The following WSCD1 variants were observed in gnomAD, a reference collection of about 807,000 sequenced individuals.
WSCD1 encodes WSC domain sialate O sulfotransferase 1, also known as sialate:O-sulfotransferase 1.
A neutral mutation model predicts 60.4 loss-of-function variants in WSCD1; 41 were observed. The observed-to-expected ratio is 0.68, with a 90% CI of 0.53 to 0.88. The LOEUF (loss-of-function observed/expected upper bound fraction) is 0.88, where lower values mean the gene tolerates loss of function less well. Ranked by LOEUF, WSCD1 falls within the 40% of genes least tolerant of loss-of-function variation. The pLI is 0.00. For missense variants in WSCD1, 784 were observed against 796.2 expected (o/e 0.98, Z 0.18); for synonymous variants, 361 against 332.5 (o/e 1.09, Z -0.93).
At chr17:6,093,426 C>T (rs999713775) in intron 4 of WSCD1, among the ~76,000 whole-genome samples, 2 of 152,192 alleles carry the variant, frequency 1.3e-5, no homozygotes, top group Non-Finnish European at 2.9e-5. Context: ...TTCTGGAGGC[C>T]TCATGGCCCC....
At chr17:6,116,762 C>T (rs941224570) in intron 7 of WSCD1, among the ~76,000 whole-genome samples, 3 of 152,228 alleles carry the variant, frequency 2.0e-5, no homozygotes, top group African/African-American at 2.4e-5. Flanking sequence ...GGCATCAAAG[C>T]GTCCCTCAGT....
rs745867123 is a variant in WSCD1, at chr17:6,095,121, C to T, written c.747C>T (p.Arg249=). 1.7e-5 allele frequency: 27 copies of T among 1,612,744 alleles called. No homozygotes were observed. Among genetic ancestry groups the T allele is most frequent in the African/African-American group, 1.2e-4 (9 of 74,904 alleles). ...GSRKRRTATY[R]GCFRLPENIT... is the part of the protein sequence containing the mutation. ...CCCCAGGGCGGACCGCCACCTACCGCGGATGCTTCCGACTGCCAGAGAACA... is the reference window on the plus strand; with the variant it reads ...CCCCAGGGCGGACCGCCACCTACCGTGGATGCTTCCGACTGCCAGAGAACA... The change falls in exon 5 of 9, where the codon CGC becomes CGT. Residue 249 remains arginine, a synonymous_variant. Transcript: ENST00000317744.
upstream of WSCD1, chr17:6,069,420 TGTGTGTGTGAGA>T (rs1270767308): frequency 8.6e-5 from 28 of 324,544 alleles, no homozygotes; most frequent in African/African-American, 4.6e-4. Flanking sequence ...TGTGTGTGTG[TGTGTGTGTGAGA>T]GAGAGAGAGA....
chr17:6,111,700 CAAA>C (rs111930086), intron 7 of WSCD1, among the ~76,000 whole-genome samples: 47 of 41,250 alleles, frequency 1.1e-3, no homozygotes, highest in Non-Finnish European at 8.6e-4. Flanking sequence ...CACTCCGTCT[CAAA>C]AAAAAAAAAA....
chr17:6,099,428 T>C (rs12450087), intron 5 of WSCD1, among the ~76,000 whole-genome samples: 60,770 of 151,272 alleles, frequency 0.4, 13,972 homozygotes, highest in East Asian at 0.64. Context: ...GGGAGGAGAA[T>C]CGCTTGAACC....
At chr17:6,084,355 T>C (rs917595127) in intron 2 of WSCD1, among the ~76,000 whole-genome samples, 23 of 152,234 alleles carry the variant, frequency 1.5e-4, no homozygotes, top group Non-Finnish European at 4.4e-5. Context: ...TGTGGGCCCC[T>C]TCCTGTCGTG....
At chr17:6,106,142 C>T (rs1911074660) in intron 5 of WSCD1, among the ~76,000 whole-genome samples, 1 of 152,204 alleles carries the variant, frequency 6.6e-6, no homozygotes, top group Non-Finnish European at 1.5e-5. Context: ...AAAAACACAA[C>T]AACCCTGCTT....
chr17:6,106,727 C>G (rs754213576), intron 5 of WSCD1, among the ~76,000 whole-genome samples: 1 of 152,036 alleles, frequency 6.6e-6, no homozygotes, highest in Non-Finnish European at 1.5e-5. Context: ...AACTGTAAAG[C>G]ATGGTGAGGG....
At chr17:6,070,153 G>GGTGTGTGTGTGT (rs375644165), upstream of WSCD1, among the ~76,000 whole-genome samples, 1 of 142,234 alleles carries the variant, frequency 7.0e-6, no homozygotes, top group African/African-American at 2.6e-5. Flanking sequence ...CTGGGTGACT[G>GGTGTGTGTGTGT]GTGTGTGTGT....
chr17:6,120,531 G>GGCGCTCCCA lies in WSCD1; in HGVS notation c.1599_1607dup (p.Ser535_His536insGlnArgSer). 6.2e-7 allele frequency: 1 copy of GGCGCTCCCA among 1,613,728 alleles called. No homozygotes were observed. Among genetic ancestry groups the GGCGCTCCCA allele is most frequent in the Non-Finnish European group, 8.5e-7 (1 of 1,179,994 alleles). On this transcript the variant is annotated inframe_insertion, in exon 9 of 9. Transcript: ENST00000317744. ...GAGGGCAGCTTCCGGCGGCGCGGCC[G>GGCGCTCCCA]GCGCTCCCACGACCCTGAGCCCTTC...
rs928301614 is a variant in WSCD1 at position 6,123,469 on chromosome 17, A to G, written c.*2808A>G. The G allele has an allele frequency of 6.6e-6, 1 of 152,230 alleles. No individual in the cohort carries two copies. 9.4% of individuals were successfully genotyped at this position (152,230 alleles called of 1,614,324 possible). On this transcript the variant is annotated 3_prime_UTR_variant, in exon 9 of 9. Transcript: ENST00000317744. The stretch of plus-strand genomic sequence containing the variant: ...TGCTTAATTATGTGAACATCTTATA[A>G]TGAAGTCTCTTGCAGCTAAAATTAG...
intron 7 of WSCD1, among the ~76,000 whole-genome samples, chr17:6,111,700 C>CAAAA (rs111930086): frequency 7.3e-5 from 3 of 41,258 alleles, no homozygotes; most frequent in East Asian, 7.3e-4. Flanking sequence ...CACTCCGTCT[C>CAAAA]AAAAAAAAAA....
At chr17:6,090,636 G>A in intron 4 of WSCD1, 131 bp downstream of exon 4, 1 of 1,272,978 alleles carries the variant, frequency 7.9e-7, no homozygotes, top group Non-Finnish European at 1.1e-6. Context: ...CTTCCCTATT[G>A]CCATCACTGG....
At position 6,088,072 on chromosome 17, in the gene WSCD1, T is replaced by C; in HGVS notation, c.510T>C (p.Thr170=). 6.2e-7 allele frequency: 1 copy of C among 1,614,168 alleles called. No homozygotes were observed. The highest frequency in any genetic ancestry group is 8.5e-7 in the Non-Finnish European group (1 of 1,180,020). ...GAVFYDLRKM[T]VSHCQDACAE... The stretch of plus-strand genomic sequence containing the variant: ...TGTTTTATGACTTGAGAAAGATGAC[T>C]GTCTCCCACTGCCAGGATGCGTGTG... Residue 170 remains threonine, a synonymous_variant, in exon 3 of 9, where the codon ACT becomes ACC. Coordinates refer to ENST00000317744, the MANE Select transcript of WSCD1 (RefSeq NM_015253.2).
upstream of WSCD1, chr17:6,069,390 C>G: frequency 1.2e-5 from 4 of 334,530 alleles, no homozygotes; most frequent in Non-Finnish European, 2.1e-5. Context: ...CACCTCGGTG[C>G]GTGTGTGTGT....
chr17:6,105,722 TATA>T (rs1450080189), intron 5 of WSCD1, among the ~76,000 whole-genome samples: 1 of 152,172 alleles, frequency 6.6e-6, no homozygotes, highest in Non-Finnish European at 1.5e-5. Flanking sequence ...AGTCCTGGGA[TATA>T]AGATTGTGGG....
chr17:6,121,062 C>G lies in WSCD1; in HGVS notation c.*401C>G. 4.9e-6 allele frequency: 1 copy of G among 206,064 alleles called. No homozygotes were observed. The highest frequency in any genetic ancestry group is 1.9e-3 in the Middle Eastern group (1 of 520). 12.8% of individuals were successfully genotyped at this position (206,064 alleles called of 1,614,324 possible). ...TGTCTCTCTCACACAGATACACGTG[C>G]GCTCCCTGGGATCCGGGAGGCCCTG... On this transcript the variant is annotated 3_prime_UTR_variant, in exon 9 of 9. Coordinates refer to ENST00000317744, the MANE Select transcript of WSCD1 (RefSeq NM_015253.2).
At chr17:6,073,034 C>T (rs1434505184) in intron 1 of WSCD1, among the ~76,000 whole-genome samples, 2 of 152,212 alleles carry the variant, frequency 1.3e-5, no homozygotes, top group Non-Finnish European at 2.9e-5. Context: ...GAGATGTGAG[C>T]TCCCTTCTAG....
In WSCD1 at chr17:6,088,006, C is replaced by A. The variant is rs777155067; in HGVS notation, c.444C>A (p.Cys148Ter). 1 of 1,613,988 alleles carries A rather than the reference C, an allele frequency of 6.2e-7. No individual in the cohort carries two copies. The highest frequency in any genetic ancestry group is 1.7e-5 in the Admixed American group (1 of 60,032). Residue 148 changes from cysteine (C) to a stop codon, truncating the protein, a stop_gained, in exon 3 of 9, where the codon TGC becomes TGA. Coordinates refer to ENST00000317744, the MANE Select transcript of WSCD1 (RefSeq NM_015253.2). LOFTEE classifies it high-confidence loss of function. ...AIHSRGTYIGCFSDDGHERTL... is the reference protein window; with the variant it reads ...AIHSRGTYIG Reference sequence around the variant, plus strand: ...TTTCTGCAGGCACCTACATTGGATGCTTCAGTGACGATGGCCACGAGAGGA... The same window carrying A: ...TTTCTGCAGGCACCTACATTGGATGATTCAGTGACGATGGCCACGAGAGGA...
Sources: gnomAD v4.1 joint callset for allele counts (sites outside exome capture counted in the v4.1 genomes callset) on GRCh38, gnomAD v4.1.1 for gene constraint, MANE v1.5 for transcripts, NCBI Gene and HGNC (gene_info 2026-07-23, HGNC 2026-07-21) for gene names.